CNTNAP2: variants seen among roughly 807,000 people sequenced by gnomAD.
The protein encoded by CNTNAP2 is contactin associated protein 2.
CNTNAP2 carries 98 observed loss-of-function variants against 155.2 expected under a neutral mutation model. The observed-to-expected ratio is 0.63, with a 90% CI of 0.54 to 0.75. The LOEUF (loss-of-function observed/expected upper bound fraction) is 0.75. CNTNAP2 is among the 30% of genes least tolerant of loss of function. CNTNAP2 has a pLI of 0.00. For synonymous variants in CNTNAP2, 651 were observed against 631.2 expected, an observed-to-expected ratio of 1.03 and a Z score of -0.47; for missense variants, 1,727 against 1,688.1, an observed-to-expected ratio of 1.02 and a Z score of -0.40.
intron 9 of CNTNAP2, among the ~76,000 whole-genome samples, chr7:147,341,207 A>T (rs755791963): frequency 2.0e-5 from 3 of 152,000 alleles, no homozygotes; most frequent in African/African-American, 7.2e-5. Context: ...CAAACACTGC[A>T]TGTTCTCACT....
chr7:146,920,184 A>T (rs4612254), intron 3 of CNTNAP2, among the ~76,000 whole-genome samples: 3 of 151,880 alleles, frequency 2.0e-5, no homozygotes, highest in Non-Finnish European at 2.9e-5. Context: ...GAGGCCGAGG[A>T]GAGCAGATCA....
At chr7:147,623,914 A>G (rs1318956995) in intron 12 of CNTNAP2, among the ~76,000 whole-genome samples, 2 of 152,132 alleles carry the variant, frequency 1.3e-5, no homozygotes, top group African/African-American at 2.4e-5. Context: ...ATAAAAACAG[A>G]CATGTAGATC....
chr7:148,159,243 T>G (rs746649391), intron 17 of CNTNAP2, among the ~76,000 whole-genome samples: 11 of 152,144 alleles, frequency 7.2e-5, no homozygotes, highest in Non-Finnish European at 1.5e-4. Flanking sequence ...TTTATTACGT[T>G]TTTTCTTCAC....
At chr7:148,113,735 G>T (rs1224152994) in intron 15 of CNTNAP2, among the ~76,000 whole-genome samples, 1 of 152,174 alleles carries the variant, frequency 6.6e-6, no homozygotes, top group Non-Finnish European at 1.5e-5. Context: ...CCCTGGCCTT[G>T]CCTAACATGC....
chr7:146,231,782 C>A (rs373046652), intron 1 of CNTNAP2, among the ~76,000 whole-genome samples: 1 of 152,120 alleles, frequency 6.6e-6, no homozygotes, highest in Non-Finnish European at 1.5e-5. Flanking sequence ...TGGCACCTAT[C>A]GCAGCCATTT....
chr7:146,223,860 A>G (rs550240445), intron 1 of CNTNAP2, among the ~76,000 whole-genome samples: 1 of 152,376 alleles, frequency 6.6e-6, no homozygotes, highest in Non-Finnish European at 1.5e-5. Flanking sequence ...TATAAAGTAT[A>G]ATAAGTACAT....
intron 1 of CNTNAP2, among the ~76,000 whole-genome samples, chr7:146,447,066 G>A (rs1171552087): frequency 5.9e-5 from 9 of 151,856 alleles, no homozygotes; most frequent in Non-Finnish European, 2.9e-5. Context: ...TCTTAGGAAG[G>A]CACTGGTCAG....
intron 1 of CNTNAP2, among the ~76,000 whole-genome samples, chr7:146,639,249 C>G (rs1342296706): frequency 6.6e-6 from 1 of 152,136 alleles, no homozygotes; most frequent in Non-Finnish European, 1.5e-5. Flanking sequence ...GCTATTTTTA[C>G]TTGTAAAAGT....
At chr7:147,110,618 A>G (rs1343249420) in intron 5 of CNTNAP2, among the ~76,000 whole-genome samples, 1 of 152,134 alleles carries the variant, frequency 6.6e-6, no homozygotes, top group East Asian at 1.9e-4. Flanking sequence ...AAGTGAGAAC[A>G]TGTGGTATTT....
At chr7:146,781,246 A>C (rs1278161255) in intron 2 of CNTNAP2, among the ~76,000 whole-genome samples, 1 of 151,648 alleles carries the variant, frequency 6.6e-6, no homozygotes, top group Non-Finnish European at 1.5e-5. Context: ...AAAAACAAAA[A>C]AAAAACACCC....
intron 15 of CNTNAP2, among the ~76,000 whole-genome samples, chr7:148,047,831 C>T (rs1281634533): frequency 6.6e-6 from 1 of 152,158 alleles, no homozygotes; most frequent in Non-Finnish European, 1.5e-5. Context: ...CTACACCATC[C>T]TTTTGAACAA....
chr7:147,672,825 T>C (rs980833748), intron 13 of CNTNAP2: 3 of 152,172 alleles, frequency 2.0e-5, no homozygotes, highest in African/African-American at 7.2e-5. Context: ...TTTTTTTATT[T>C]GATCTTTCAC....
rs548385347 is a variant in CNTNAP2, at chr7:147,743,812, C to T, written c.2098+104506C>T. 3.9e-5 allele frequency among the ~76,000 whole-genome samples: 6 copies of T among 152,234 alleles called. No individual in the cohort carries two copies. In the South Asian group the frequency reaches 1.2e-3, roughly 32 times the overall value. On this transcript the variant is annotated intron_variant, in intron 13 of 23. Transcript: ENST00000361727. ...GGTTTATCTCCATCCCTATCTCCTC[C>T]CCCAGCTCCGTGGCTTCTCCCCACT...
chr7:147,833,725 C>T (rs1244912221), intron 13 of CNTNAP2, among the ~76,000 whole-genome samples: 1 of 152,244 alleles, frequency 6.6e-6, no homozygotes, highest in African/African-American at 2.4e-5. Context: ...ACACACTTCT[C>T]TGCCATCCAA....
intron 1 of CNTNAP2, among the ~76,000 whole-genome samples, chr7:146,133,196 T>C (rs1376440341): frequency 2.6e-5 from 4 of 152,146 alleles, no homozygotes; most frequent in East Asian, 1.9e-4. Context: ...TGTTTTTTGT[T>C]TGCATAAATG....
At chr7:148,288,944 C>CAAAAAAA (rs58641348) in intron 21 of CNTNAP2, among the ~76,000 whole-genome samples, 3 of 101,756 alleles carry the variant, frequency 2.9e-5, no homozygotes, top group African/African-American at 1.1e-4. Flanking sequence ...TCTTATTCAG[C>CAAAAAAA]AAAAAAAAAA....
intron 1 of CNTNAP2, among the ~76,000 whole-genome samples, chr7:146,622,171 G>GTATATATATACACACACT (rs1799331551): frequency 3.4e-5 from 5 of 146,742 alleles, no homozygotes; most frequent in Admixed American, 6.8e-5. Flanking sequence ...ATACACACAC[G>GTATATATATACACACACT]TATATATATA....
chr7:147,196,965 C>G (rs1470747557), intron 8 of CNTNAP2, among the ~76,000 whole-genome samples: 1 of 152,080 alleles, frequency 6.6e-6, no homozygotes, highest in Non-Finnish European at 1.5e-5. Flanking sequence ...GAACCTAAGG[C>G]TGATTTACGC....
In CNTNAP2 at chr7:147,068,183, G is replaced by A. The variant is rs560680718; in HGVS notation, c.550+24129G>A. Among the ~76,000 whole-genome samples, 271 of 152,202 alleles carry A rather than the reference G, an allele frequency of 1.8e-3. 1 individual carries two copies. The highest frequency in any genetic ancestry group is 6.8e-3 in the Middle Eastern group (2 of 294). ...GCCTAACTCAGGCCCACTAAGGATG[G>A]TCACTCTTCTGACCTAAAATCAACT... On this transcript the variant is annotated intron_variant, in intron 4 of 23. Coordinates refer to ENST00000361727, the MANE Select transcript of CNTNAP2 (RefSeq NM_014141.6).
Sources: allele counts gnomAD v4.1 joint callset (sites outside exome capture counted in the v4.1 genomes callset), GRCh38; gene constraint gnomAD v4.1.1; transcripts MANE v1.5; gene names NCBI Gene and HGNC (gene_info 2026-07-23, HGNC 2026-07-21).